Variants in OSBPL3 observed in about 807,000 individuals in gnomAD.
OSBPL3 encodes oxysterol-binding protein-related protein 3.
A neutral mutation model predicts 120.1 loss-of-function variants in OSBPL3; 65 were observed. The observed-to-expected ratio is 0.54, with a 90% CI of 0.44 to 0.67. The LOEUF (loss-of-function observed/expected upper bound fraction) is 0.67. Ranked by LOEUF, OSBPL3 falls within the 30% of genes least tolerant of loss-of-function variation. OSBPL3 has a pLI of 0.00. For synonymous variants in OSBPL3, 416 were observed against 402.6 expected (o/e 1.03, Z -0.40); for missense variants, 1,004 against 1,082.1 (o/e 0.93, Z 1.01).
rs1314806673 is a variant in OSBPL3, at chr7:24,820,198, G to C, written c.1925C>G (p.Ser642Cys). 3 of 1,612,304 alleles carry C rather than the reference G, an allele frequency of 1.9e-6. No individual in the cohort carries two copies. The African/African-American group carries it at 4.0e-5, about 22-fold the overall frequency. ...ACCTTGCCAGAAAACAAAATTTCTA[G>C]ACTCAGCATGACACGCAGAGATAGG... ...HPPISACHAE[S>C]RNFVFWQDVR... The change falls in exon 17 of 23, where the codon TCT (serine) becomes TGT (cysteine). Residue 642 changes from serine to cysteine, a missense_variant. Coordinates refer to ENST00000313367, the MANE Select transcript of OSBPL3 (RefSeq NM_015550.4). This position sits in a 1 kb window ranked among gnomAD's most constrained non-coding sequence, Gnocchi z 4.6.
At position 24,830,697 on chromosome 7, in the gene OSBPL3, T is replaced by C. The variant is rs931679910; in HGVS notation, c.1884+71A>G. ...AAGCCAGTGAAAGGTGGAAGATAAA[T>C]ATTTCAGAAGCACATTTAATGGGAG... On this transcript the variant is annotated intron_variant, in intron 16 of 22. Coordinates refer to ENST00000313367, the MANE Select transcript of OSBPL3 (RefSeq NM_015550.4). The surrounding 1 kb of genome is among the most constrained non-coding windows in gnomAD (Gnocchi z 4.4). 2.7e-5 allele frequency: 37 copies of C among 1,395,010 alleles called. No homozygotes were observed. Among genetic ancestry groups the C allele is most frequent in the Admixed American group, 2.4e-4 (11 of 45,346 alleles). 86.4% of individuals were successfully genotyped at this position (1,395,010 alleles called of 1,614,324 possible).
chr7:24,829,583 C>T (rs1796127542), intron 16 of OSBPL3, among the ~76,000 whole-genome samples: 1 of 152,218 alleles, frequency 6.6e-6, no homozygotes, highest in South Asian at 2.1e-4. Context: ...CACCCCCCTT[C>T]TCCTCAGTTC....
intron 2 of OSBPL3, among the ~76,000 whole-genome samples, chr7:24,884,462 CG>C (rs1562881569): frequency 6.6e-6 from 1 of 152,104 alleles, no homozygotes; most frequent in African/African-American, 2.4e-5. Context: ...AAGATGCTAT[CG>C]GAGAGTTTTC....
Position 24,916,231 on chromosome 7 carries a change from TC to T in OSBPL3, c.-149-23611del, listed in dbSNP as rs1297652003. Among the ~76,000 whole-genome samples, 1 of 152,182 alleles carries T rather than the reference TC, an allele frequency of 6.6e-6. No homozygotes were observed. The highest frequency in any genetic ancestry group is 2.4e-5 in the African/African-American group (1 of 41,442). On this transcript the variant is annotated intron_variant, in intron 1 of 22. Transcript: ENST00000313367. This position sits in a 1 kb window ranked among gnomAD's most constrained non-coding sequence, Gnocchi z 4.9. ...TCTTTCCCTTTTGTTAAATTCAAGA[TC>T]AAATTGAATGTTTTACTTTTAAAGC...
Position 24,967,567 on chromosome 7 carries a change from C to A in OSBPL3, c.-150+12319G>T, listed in dbSNP as rs1211143886. 6.6e-6 allele frequency among the ~76,000 whole-genome samples: 1 copy of A among 152,184 alleles called. No individual in the cohort carries two copies. The highest frequency in any genetic ancestry group is 1.5e-5 in the Non-Finnish European group (1 of 68,036). On this transcript the variant is annotated intron_variant, in intron 1 of 22. Coordinates refer to ENST00000313367, the MANE Select transcript of OSBPL3 (RefSeq NM_015550.4). The surrounding 1 kb of genome is among the most constrained non-coding windows in gnomAD (Gnocchi z 5.6). The stretch of plus-strand genomic sequence containing the variant: ...TGTGAGAATTAAATCAGGTGATGTT[C>A]TTTCAAAAAGTACAGAGAATAGTGT...
At chr7:24,870,598 G>A in intron 5 of OSBPL3, 134 bp downstream of exon 5, 1 of 644,932 alleles carries the variant, frequency 1.6e-6, no homozygotes, top group South Asian at 1.7e-5. Context: ...TACCAACACT[G>A]TACATGAGAA....
rs142200435 is a variant in OSBPL3 at position 24,833,661 on chromosome 7, C to T, written c.1746+825G>A. ...CTCTGCATCTGGGGGACACTGCTGTCCCAGCATCCCATAGAGACAATGACC... is the reference window on the plus strand; with the variant it reads ...CTCTGCATCTGGGGGACACTGCTGTTCCAGCATCCCATAGAGACAATGACC... On this transcript the variant is annotated intron_variant, in intron 15 of 22. Coordinates refer to ENST00000313367, the MANE Select transcript of OSBPL3 (RefSeq NM_015550.4). The surrounding 1 kb of genome is among the most constrained non-coding windows in gnomAD (Gnocchi z 4.4). Among the ~76,000 whole-genome samples, 1 of 152,270 alleles carries T rather than the reference C, an allele frequency of 6.6e-6. No individual in the cohort carries two copies. Among genetic ancestry groups the T allele is most frequent in the East Asian group, 1.9e-4 (1 of 5,170 alleles).
In OSBPL3 at chr7:24,959,889, C is replaced by T. The variant is rs376896170; in HGVS notation, c.-150+19997G>A. On this transcript the variant is annotated intron_variant, in intron 1 of 22. Coordinates refer to ENST00000313367, the MANE Select transcript of OSBPL3 (RefSeq NM_015550.4). The surrounding 1 kb of genome is among the most constrained non-coding windows in gnomAD (Gnocchi z 4.3). ...TGAACAAAAAAGAATTTTCTATTTC[C>T]GAAACAATGCATGAGTCACAAATGG... 1.3e-5 allele frequency among the ~76,000 whole-genome samples: 2 copies of T among 151,990 alleles called. No homozygotes were observed. Among genetic ancestry groups the T allele is most frequent in the Admixed American group, 6.6e-5 (1 of 15,248 alleles).
rs528050194 is a variant in OSBPL3 at position 24,833,438 on chromosome 7, C to G, written c.1746+1048G>C. 1.2e-3 allele frequency among the ~76,000 whole-genome samples: 182 copies of G among 152,344 alleles called. 3 individuals are homozygous for G. The highest frequency in any genetic ancestry group is 1.0e-4 in the Non-Finnish European group (7 of 68,030). On this transcript the variant is annotated intron_variant, in intron 15 of 22. Transcript: ENST00000313367. This position sits in a 1 kb window ranked among gnomAD's most constrained non-coding sequence, Gnocchi z 4.4. Reference sequence around the variant, plus strand: ...ATGACTATGGGCTATCCCTCTCAGACAGCAGTTAAGATTCCCCCTTAATCT... The same window carrying G: ...ATGACTATGGGCTATCCCTCTCAGAGAGCAGTTAAGATTCCCCCTTAATCT...
At chr7:24,842,254 A>C in intron 13 of OSBPL3, 25 bp downstream of exon 13, 1 of 1,607,368 alleles carries the variant, frequency 6.2e-7, no homozygotes, top group Non-Finnish European at 8.5e-7. Flanking sequence ...TTTTTGAGGC[A>C]CCATACTGTA....
In OSBPL3 at chr7:24,972,409, T is replaced by G. The variant is rs1348625962; in HGVS notation, c.-150+7477A>C. ...AACCTACAGAAAAATGGAACCTTTC[T>G]CTCCAGGGTCCCAATTAAAAGCCAG... On this transcript the variant is annotated intron_variant, in intron 1 of 22. Coordinates refer to ENST00000313367, the MANE Select transcript of OSBPL3 (RefSeq NM_015550.4). This position sits in a 1 kb window ranked among gnomAD's most constrained non-coding sequence, Gnocchi z 4.3. 6.6e-6 allele frequency among the ~76,000 whole-genome samples: 1 copy of G among 152,170 alleles called. No individual in the cohort carries two copies. Among genetic ancestry groups the G allele is most frequent in the Non-Finnish European group, 1.5e-5 (1 of 68,034 alleles).
intron 22 of OSBPL3, among the ~76,000 whole-genome samples, chr7:24,800,835 G>A (rs1403378047): frequency 6.6e-6 from 1 of 152,062 alleles, no homozygotes; most frequent in African/African-American, 2.4e-5. Context: ...GATGTGGGGA[G>A]AGTCTGTCAT....
Position 24,900,599 on chromosome 7 carries a change from T to A in OSBPL3, c.-149-7978A>T, listed in dbSNP as rs1160189001. 2.0e-5 allele frequency among the ~76,000 whole-genome samples: 3 copies of A among 152,178 alleles called. No homozygotes were observed. The highest frequency in any genetic ancestry group is 4.4e-5 in the Non-Finnish European group (3 of 68,022). ...CAAGGTATGGCAAGTACCAGACACATGTGCTTCCAGTCTCCACTCCCAAGC... is the reference window on the plus strand; with the variant it reads ...CAAGGTATGGCAAGTACCAGACACAAGTGCTTCCAGTCTCCACTCCCAAGC... On this transcript the variant is annotated intron_variant, in intron 1 of 22. Coordinates refer to ENST00000313367, the MANE Select transcript of OSBPL3 (RefSeq NM_015550.4). The surrounding 1 kb of genome is among the most constrained non-coding windows in gnomAD (Gnocchi z 4.5).
rs1799202873 is a variant in OSBPL3 at position 24,851,906 on chromosome 7, G to T, written c.1158+598C>A. On this transcript the variant is annotated intron_variant, in intron 11 of 22. Transcript: ENST00000313367. The surrounding 1 kb of genome is among the most constrained non-coding windows in gnomAD (Gnocchi z 4.1). ...CAGTGATTTTCCTGTTACTATGAAGGTATAGTGATTGCCTGACAGGCACTT... is the reference window on the plus strand; with the variant it reads ...CAGTGATTTTCCTGTTACTATGAAGTTATAGTGATTGCCTGACAGGCACTT... Among the ~76,000 whole-genome samples the T allele has an allele frequency of 6.6e-6, 1 of 152,174 alleles. No homozygotes were observed. The highest frequency in any genetic ancestry group is 2.1e-4 in the South Asian group (1 of 4,830).
intron 1 of OSBPL3, among the ~76,000 whole-genome samples, chr7:24,941,490 C>A (rs10277046): frequency 0.015 from 2,327 of 152,290 alleles, 60 homozygotes; most frequent in African/African-American, 0.051. Context: ...GCTCTCCCCA[C>A]TAAATGATGC....
chr7:24,802,795 G>T lies in OSBPL3; in HGVS notation c.2567+1520C>A, dbSNP rs1329227734. ...GAAGAAAAAGAACCAACCTACTTAA[G>T]GGTGTAATGTGTTTATCTATTAACT... is the stretch of plus-strand genomic sequence containing the variant. On this transcript the variant is annotated intron_variant, in intron 22 of 22. Transcript: ENST00000313367. This position sits in a 1 kb window ranked among gnomAD's most constrained non-coding sequence, Gnocchi z 4.1. Among the ~76,000 whole-genome samples the T allele has an allele frequency of 6.6e-6, 1 of 152,170 alleles. No individual in the cohort carries two copies. Among genetic ancestry groups the T allele is most frequent in the Non-Finnish European group, 1.5e-5 (1 of 68,038 alleles).
chr7:24,942,299 T>C (rs1813196171), intron 1 of OSBPL3, among the ~76,000 whole-genome samples: 1 of 152,190 alleles, frequency 6.6e-6, no homozygotes, highest in Non-Finnish European at 1.5e-5. Flanking sequence ...ACAACTAATA[T>C]AATGAAACGG....
At chr7:24,979,625 G>A (rs1818009788) in intron 1 of OSBPL3, among the ~76,000 whole-genome samples, 1 of 152,066 alleles carries the variant, frequency 6.6e-6, no homozygotes, top group African/African-American at 2.4e-5. Flanking sequence ...CCTCCTGGCG[G>A]TCAATCCTCT....
intron 1 of OSBPL3, among the ~76,000 whole-genome samples, chr7:24,929,243 G>C (rs1004495969): frequency 2.0e-5 from 3 of 152,196 alleles, no homozygotes; most frequent in African/African-American, 7.2e-5. Context: ...GTTTCGTTCA[G>C]TGTGTAACTT....
Sources: allele counts gnomAD v4.1 joint callset (sites outside exome capture counted in the v4.1 genomes callset), GRCh38; gene constraint gnomAD v4.1.1; non-coding constraint Gnocchi (gnomAD v3.1); transcripts MANE v1.5; gene names NCBI Gene and HGNC (gene_info 2026-07-23, HGNC 2026-07-21).